The following AKAP19 variants were observed in gnomAD, a reference collection of about 807,000 sequenced individuals.
AKAP19 encodes the protein small A-kinase anchoring protein.
chr2:190,101,459 C>T, the AKAP19 span, among the ~76,000 whole-genome samples: 2 of 152,158 alleles, frequency 1.3e-5, no homozygotes. Context: ...AGGCAGAACT[C>T]CAGGCATTCA....
the AKAP19 span, among the ~76,000 whole-genome samples, chr2:190,070,621 C>T: frequency 1.1e-4 from 15 of 139,756 alleles, no homozygotes; most frequent in East Asian, 7.3e-4. Flanking sequence ...CTCTCCCCCC[C>T]CCCTTTTTTT....
At chr2:190,051,461 G>T in the AKAP19 span, among the ~76,000 whole-genome samples, 1 of 152,162 alleles carries the variant, frequency 6.6e-6, no homozygotes, top group Non-Finnish European at 1.5e-5. Context: ...ACATCTGTCT[G>T]GTCAAGCTGG....
At chr2:190,164,005 A>G in the AKAP19 span, 1 of 152,232 alleles carries the variant, frequency 6.6e-6, no homozygotes, top group African/African-American at 2.4e-5. Flanking sequence ...GAAACCATAT[A>G]TTGGGCTCAC....
the AKAP19 span, among the ~76,000 whole-genome samples, chr2:190,160,687 T>C: frequency 6.9e-6 from 1 of 144,376 alleles, no homozygotes; most frequent in Non-Finnish European, 1.5e-5. Flanking sequence ...ATTAGCTCTC[T>C]TTCTCAATTT....
At chr2:190,063,468 T>C in the AKAP19 span, among the ~76,000 whole-genome samples, 1 of 152,132 alleles carries the variant, frequency 6.6e-6, no homozygotes. Flanking sequence ...CATTGTTTAT[T>C]ACCAAGAGGG....
At chr2:190,039,735 A>T in the AKAP19 span, among the ~76,000 whole-genome samples, 4,956 of 151,886 alleles carry the variant, frequency 0.033, 125 homozygotes, top group South Asian at 0.043. Flanking sequence ...ATAAGTTCTT[A>T]TCATTTAGCT....
the AKAP19 span, among the ~76,000 whole-genome samples, chr2:190,108,973 C>T: frequency 2.6e-5 from 4 of 152,038 alleles, no homozygotes; most frequent in Non-Finnish European, 4.4e-5. Flanking sequence ...GCTCTGATTA[C>T]TTCATAGATG....
chr2:190,013,672 T>G, the AKAP19 span, among the ~76,000 whole-genome samples: 1 of 151,948 alleles, frequency 6.6e-6, no homozygotes, highest in Admixed American at 6.6e-5. Context: ...CCTGCCACCA[T>G]GCCTGGCTAA....
At chr2:190,161,892 C>G in the AKAP19 span, among the ~76,000 whole-genome samples, 3 of 152,124 alleles carry the variant, frequency 2.0e-5, no homozygotes, top group African/African-American at 7.2e-5. Context: ...GTTCTATTCT[C>G]TAATCACTGC....
chr2:190,156,864 A>G, the AKAP19 span, among the ~76,000 whole-genome samples: 1 of 152,202 alleles, frequency 6.6e-6, no homozygotes, highest in Admixed American at 6.5e-5. Context: ...AATTAAAAAT[A>G]CATTTACCTA....
chr2:190,013,450 T>C, the AKAP19 span, among the ~76,000 whole-genome samples: 1 of 152,040 alleles, frequency 6.6e-6, no homozygotes. Flanking sequence ...AGTTATAATT[T>C]TTTTCTCTTT....
chr2:189,884,554 C>T, the AKAP19 span, among the ~76,000 whole-genome samples: 21 of 152,296 alleles, frequency 1.4e-4, no homozygotes, highest in East Asian at 2.7e-3. Context: ...GCCACACACA[C>T]ACATTCAGCT....
At chr2:190,051,277 G>A in the AKAP19 span, among the ~76,000 whole-genome samples, 1 of 152,136 alleles carries the variant, frequency 6.6e-6, no homozygotes, top group East Asian at 1.9e-4. Flanking sequence ...TTTCCTATAA[G>A]TAATTTATTC....
the AKAP19 span, among the ~76,000 whole-genome samples, chr2:190,099,488 T>C: frequency 6.6e-6 from 1 of 152,052 alleles, no homozygotes; most frequent in Non-Finnish European, 1.5e-5. Context: ...CCAAAACAAA[T>C]ACAAAAGTAA....
At chr2:189,936,818 A>G in the AKAP19 span, among the ~76,000 whole-genome samples, 1 of 152,216 alleles carries the variant, frequency 6.6e-6, no homozygotes, top group Non-Finnish European at 1.5e-5. Flanking sequence ...TTCCATTTAT[A>G]TGAAGCTCTA....
At chr2:189,950,003 T>C in the AKAP19 span, among the ~76,000 whole-genome samples, 1 of 150,364 alleles carries the variant, frequency 6.7e-6, no homozygotes, top group Middle Eastern at 3.4e-3. Flanking sequence ...GAATCAATCA[T>C]GTTATCTTAG....
At chr2:189,883,377 C>A in the AKAP19 span, among the ~76,000 whole-genome samples, 2 of 152,148 alleles carry the variant, frequency 1.3e-5, no homozygotes, top group East Asian at 1.9e-4. Context: ...AAAAACAAAC[C>A]AGGGCTTAGA....
At chr2:190,053,844 A>G in the AKAP19 span, among the ~76,000 whole-genome samples, 1 of 152,282 alleles carries the variant, frequency 6.6e-6, no homozygotes, top group African/African-American at 2.4e-5. Context: ...ATTTATATTA[A>G]TTATACACTA....
chr2:190,154,373 GT>G, the AKAP19 span, among the ~76,000 whole-genome samples: 56 of 152,204 alleles, frequency 3.7e-4, no homozygotes, highest in East Asian at 0.01. Context: ...GAATTAATCT[GT>G]CTTATTTTTA....
Sources: gnomAD v4.1 joint callset for allele counts (sites outside exome capture counted in the v4.1 genomes callset) on GRCh38, gnomAD v4.1.1 for gene constraint, MANE v1.5 for transcripts, NCBI Gene and HGNC (gene_info 2026-07-23, HGNC 2026-07-21) for gene names.